PCGF5: variants seen among roughly 807,000 people sequenced by gnomAD.
PCGF5 encodes polycomb group RING finger protein 5.
In PCGF5, 9 loss-of-function variants were observed where a neutral mutation model predicts 44.3. The observed-to-expected ratio is 0.20, with a 90% CI of 0.12 to 0.35. The LOEUF (loss-of-function observed/expected upper bound fraction) is 0.35. Among genes scored for constraint, PCGF5 ranks in the 10% least tolerant of loss-of-function variants. The pLI is 1.00. For synonymous variants in PCGF5, 95 were observed against 102.5 expected, an observed-to-expected ratio of 0.93 and a Z score of 0.44; for missense variants, 146 against 305.3, an observed-to-expected ratio of 0.48 and a Z score of 3.89.
intron 1 of PCGF5, among the ~76,000 whole-genome samples, chr10:91,206,748 C>T (rs1844353509): frequency 1.3e-5 from 2 of 152,136 alleles, no homozygotes; most frequent in East Asian, 3.9e-4. Flanking sequence ...CTATCTGCAC[C>T]TAAGCATGAT....
chr10:91,240,343 G>A, intron 2 of PCGF5, 141 bp from the exon 3 acceptor site: 3 of 538,374 alleles, frequency 5.6e-6, no homozygotes, highest in Non-Finnish European at 9.9e-6. Context: ...TGTTACAATT[G>A]TAAGGTTTTT....
At chr10:91,177,853 C>T in intron 1 of PCGF5, among the ~76,000 whole-genome samples, 1 of 152,210 alleles carries the variant, frequency 6.6e-6, no homozygotes, top group East Asian at 1.9e-4. Context: ...CTTGTGCTTC[C>T]TGGGTGAGGC....
chr10:91,190,800 A>G (rs1261841060), intron 1 of PCGF5, among the ~76,000 whole-genome samples: 1 of 152,208 alleles, frequency 6.6e-6, no homozygotes, highest in Non-Finnish European at 1.5e-5. Context: ...CATTCCTGTT[A>G]TAGGTATTCA....
chr10:91,201,989 C>T (rs1300948237), intron 1 of PCGF5, among the ~76,000 whole-genome samples: 1 of 152,040 alleles, frequency 6.6e-6, no homozygotes, highest in Non-Finnish European at 1.5e-5. Flanking sequence ...GGGTCCTGGA[C>T]TTGGGAGCTA....
intron 1 of PCGF5, among the ~76,000 whole-genome samples, chr10:91,164,272 C>T (rs1843455581): frequency 6.6e-6 from 1 of 152,136 alleles, no homozygotes; most frequent in African/African-American, 2.4e-5. Flanking sequence ...CCCGGAGGGA[C>T]GGGGGAGACT....
intron 3 of PCGF5, among the ~76,000 whole-genome samples, chr10:91,247,294 G>T (rs1197367261): frequency 2.0e-5 from 3 of 151,986 alleles, no homozygotes; most frequent in Admixed American, 2.0e-4. Flanking sequence ...TAATTTTTAA[G>T]TTTAAATTTT....
chr10:91,225,017 TGAG>T (rs1226455708), intron 2 of PCGF5, among the ~76,000 whole-genome samples: 2 of 152,026 alleles, frequency 1.3e-5, no homozygotes, highest in Non-Finnish European at 2.9e-5. Context: ...CTCTGGATGA[TGAG>T]AAGAAGGCAC....
intron 1 of PCGF5, 52 bp from the exon 2 acceptor site, chr10:91,222,637 G>C: frequency 1.9e-6 from 1 of 519,596 alleles, no homozygotes; most frequent in Non-Finnish European, 3.4e-6. Flanking sequence ...AATACATTAT[G>C]AGGAATTTGA....
upstream of PCGF5, among the ~76,000 whole-genome samples, chr10:91,161,466 T>G (rs1023016554): frequency 2.6e-5 from 4 of 151,770 alleles, no homozygotes; most frequent in African/African-American, 9.7e-5. Context: ...AAACCCACAC[T>G]ACCTAACAGG....
intron 2 of PCGF5, among the ~76,000 whole-genome samples, chr10:91,232,575 A>G (rs9651430): frequency 0.13 from 19,831 of 152,116 alleles, 2,424 homozygotes; most frequent in African/African-American, 0.32. Context: ...GTAAGTGAAA[A>G]GGGACAATTA....
chr10:91,193,091 C>G (rs1844062674), intron 1 of PCGF5, among the ~76,000 whole-genome samples: 1 of 152,142 alleles, frequency 6.6e-6, no homozygotes, highest in Non-Finnish European at 1.5e-5. Context: ...AGACTCCACC[C>G]ACCCATGCTG....
chr10:91,227,534 C>G (rs142512146), intron 2 of PCGF5: 1 of 1,214,454 alleles, frequency 8.2e-7, no homozygotes, highest in African/African-American at 1.6e-5. Context: ...AAATCTGTCC[C>G]TTTAGTTTCA....
intron 1 of PCGF5, among the ~76,000 whole-genome samples, chr10:91,184,842 G>T (rs1418655043): frequency 6.6e-6 from 1 of 152,144 alleles, no homozygotes; most frequent in African/African-American, 2.4e-5. Flanking sequence ...GGTATCACCA[G>T]TGAAGGCTAC....
At chr10:91,159,122 T>C (rs1843350669), upstream of PCGF5, among the ~76,000 whole-genome samples, 1 of 152,126 alleles carries the variant, frequency 6.6e-6, no homozygotes, top group Non-Finnish European at 1.5e-5. Flanking sequence ...TCTTCACAGA[T>C]GGTGTTAAAC....
chr10:91,257,460 C>CG (rs2133399010), intron 6 of PCGF5, among the ~76,000 whole-genome samples: 1 of 151,808 alleles, frequency 6.6e-6, no homozygotes, highest in South Asian at 2.1e-4. Flanking sequence ...GTAGTCCCCC[C>CG]CTTATCTGTG....
At chr10:91,229,063 G>C (rs1446417871) in intron 2 of PCGF5, among the ~76,000 whole-genome samples, 1 of 152,190 alleles carries the variant, frequency 6.6e-6, no homozygotes, top group Non-Finnish European at 1.5e-5. Flanking sequence ...TGAAATATTA[G>C]CTATTGTTTT....
intron 8 of PCGF5, among the ~76,000 whole-genome samples, chr10:91,265,230 A>G (rs934260533): frequency 2.6e-5 from 4 of 152,190 alleles, no homozygotes; most frequent in African/African-American, 9.6e-5. Flanking sequence ...ACTAAGTTCT[A>G]TAGTAGTAAC....
At chr10:91,265,493 A>C (rs1846029933) in intron 8 of PCGF5, among the ~76,000 whole-genome samples, 1 of 152,104 alleles carries the variant, frequency 6.6e-6, no homozygotes, top group African/African-American at 2.4e-5. Flanking sequence ...TTATTCTGTA[A>C]ACTAGATTTA....
chr10:91,216,082 A>T (rs1272899013), upstream of PCGF5, among the ~76,000 whole-genome samples: 1 of 152,234 alleles, frequency 6.6e-6, no homozygotes, highest in Non-Finnish European at 1.5e-5. Flanking sequence ...TGCTGGGGAT[A>T]TGCATAGCCA....
Sources: gnomAD v4.1 joint callset for allele counts (sites outside exome capture counted in the v4.1 genomes callset) on GRCh38, gnomAD v4.1.1 for gene constraint, MANE v1.5 for transcripts, NCBI Gene and HGNC (gene_info 2026-07-23, HGNC 2026-07-21) for gene names.